Variants in PPM1F observed in about 807,000 individuals in gnomAD.
PPM1F encodes protein phosphatase 1F.
Under a neutral mutation model 35.5 loss-of-function variants are expected in PPM1F, and 17 were observed. That is an observed-to-expected ratio of 0.48 (90% CI 0.33 to 0.72). The LOEUF is 0.72. PPM1F is among the 30% of genes least tolerant of loss of function. The pLI, the probability that PPM1F is intolerant of heterozygous loss-of-function variation, is 0.02. For missense variants in PPM1F, 521 were observed against 613.0 expected, an observed-to-expected ratio of 0.85 and a Z score of 1.59; for synonymous variants, 241 against 255.5, an observed-to-expected ratio of 0.94 and a Z score of 0.54.
intron 2 of PPM1F, 183 bp downstream of exon 2, chr22:21,945,660 G>A: frequency 1.7e-6 from 1 of 589,596 alleles, no homozygotes; most frequent in Non-Finnish European, 2.9e-6. Flanking sequence ...TGGCTGTGTT[G>A]AGTGCCCAGT....
chr22:21,930,654 G>A (rs1459115465), intron 6 of PPM1F, among the ~76,000 whole-genome samples: 1 of 152,212 alleles, frequency 6.6e-6, no homozygotes, highest in Non-Finnish European at 1.5e-5. Flanking sequence ...TCCAACCTCA[G>A]GAGACACATG....
In PPM1F at chr22:21,939,843, C is replaced by T. The variant is rs576697661; in HGVS notation, c.207-163G>A. 7.2e-5 allele frequency among the ~76,000 whole-genome samples: 11 copies of T among 152,330 alleles called. No individual in the cohort carries two copies. Among genetic ancestry groups the T allele is most frequent in the South Asian group, 2.1e-4 (1 of 4,824 alleles). ...AAGGTCACAGGACAGCAAAGGCAGA[C>T]GCACAACCATCTGGTGGGGAGCTGG... On this transcript the variant is annotated intron_variant, in intron 2 of 7. Coordinates refer to ENST00000263212, the MANE Select transcript of PPM1F (RefSeq NM_014634.4). This position sits in a 1 kb window ranked among gnomAD's most constrained non-coding sequence, Gnocchi z 5.1.
intron 7 of PPM1F, among the ~76,000 whole-genome samples, chr22:21,924,236 A>G (rs2070483123): frequency 6.6e-6 from 1 of 150,738 alleles, no homozygotes; most frequent in Non-Finnish European, 1.5e-5. Context: ...CACTGACCGC[A>G]TGCTGAGACA....
Position 21,939,997 on chromosome 22 carries a change from TG to T in PPM1F, c.207-318del, listed in dbSNP as rs1218879054. On this transcript the variant is annotated intron_variant, in intron 2 of 7. Coordinates refer to ENST00000263212, the MANE Select transcript of PPM1F (RefSeq NM_014634.4). This position sits in a 1 kb window ranked among gnomAD's most constrained non-coding sequence, Gnocchi z 5.1. ...AATCACCCATGCCAGCTGGGGACCC[TG>T]GGGGGTGGGGAGTGTTCTGGGTTGA... 6.6e-6 allele frequency among the ~76,000 whole-genome samples: 1 copy of T among 152,136 alleles called. No individual in the cohort carries two copies. The highest frequency in any genetic ancestry group is 6.5e-5 in the Admixed American group (1 of 15,272).
Position 21,919,608 on chromosome 22 carries a change from C to A in PPM1F, c.*3484G>T, listed in dbSNP as rs1408741399. The A allele has an allele frequency of 6.6e-6, 1 of 152,592 alleles. No homozygotes were observed. Among genetic ancestry groups the A allele is most frequent in the East Asian group, 1.9e-4 (1 of 5,202 alleles). 9.5% of individuals were successfully genotyped at this position (152,592 alleles called of 1,614,324 possible). On this transcript the variant is annotated 3_prime_UTR_variant, in exon 8 of 8. Transcript: ENST00000263212. ...GCCCACCGAGACGAACGCAGATAAACCCTTCGCAAGGCCTGCACTGCACCG... is the reference window on the plus strand; with the variant it reads ...GCCCACCGAGACGAACGCAGATAAAACCTTCGCAAGGCCTGCACTGCACCG...
chr22:21,939,740 C>A lies in PPM1F; in HGVS notation c.207-60G>T, dbSNP rs540383530. ...CCAGCAGGAGACCACACCTAGCCCC[C>A]CTTCCCCAACTGTCAGCCCACATGC... On this transcript the variant is annotated intron_variant, in intron 2 of 7. Transcript: ENST00000263212. The surrounding 1 kb of genome is among the most constrained non-coding windows in gnomAD (Gnocchi z 5.1). 10 of 1,538,776 alleles carry A rather than the reference C, an allele frequency of 6.5e-6. No individual in the cohort carries two copies. The highest frequency in any genetic ancestry group is 1.7e-4 in the Middle Eastern group (1 of 5,764).
chr22:21,946,395 G>C, intron 1 of PPM1F: 1 of 203,722 alleles, frequency 4.9e-6, no homozygotes, highest in Non-Finnish European at 9.9e-6. Flanking sequence ...AGCGTGGCCA[G>C]AGACGAGCAG....
intron 6 of PPM1F, among the ~76,000 whole-genome samples, chr22:21,927,937 GTTTTGTTTTTTTTT>G (rs2070536896): frequency 2.9e-5 from 2 of 68,106 alleles, no homozygotes; most frequent in Admixed American, 1.6e-4. Context: ...TCTGTTTTTT[GTTTTGTTTTTTTTT>G]TTTTTTTTTT....
intron 1 of PPM1F, chr22:21,949,805 G>A (rs2070816665): frequency 6.6e-6 from 1 of 152,332 alleles, no homozygotes; most frequent in Admixed American, 6.5e-5. Flanking sequence ...GGTTCCTCCT[G>A]GATCAGGGCC....
At chr22:21,936,226 T>G (rs995982664) in intron 3 of PPM1F, 6 of 151,932 alleles carry the variant, frequency 3.9e-5, no homozygotes, top group African/African-American at 1.5e-4. Context: ...GTAAAATGCT[T>G]CTGTCATGAT....
Position 21,923,006 on chromosome 22 carries a change from TG to T in PPM1F, c.*85del. 6.7e-7 allele frequency: 1 copy of T among 1,501,776 alleles called. No homozygotes were observed. Among genetic ancestry groups the T allele is most frequent in the Non-Finnish European group, 8.9e-7 (1 of 1,121,286 alleles). The allele number at this position is 1,501,776 out of a possible 1,614,324, so 93.0% of individuals were successfully genotyped here. Reference sequence around the variant, plus strand: ...ACTGTGGGGCGGGCACCCTGTCCACTGCCTGCCACCTGTTGGGTCCTGAGGC... The same window carrying T: ...ACTGTGGGGCGGGCACCCTGTCCACTCCTGCCACCTGTTGGGTCCTGAGGC... On this transcript the variant is annotated 3_prime_UTR_variant, in exon 8 of 8. Transcript: ENST00000263212.
rs1408836812 is a variant in PPM1F, at chr22:21,921,955, C to A, written c.*1137G>T. 1 of 152,244 alleles carries A rather than the reference C, an allele frequency of 6.6e-6. No homozygotes were observed. Among genetic ancestry groups the A allele is most frequent in the African/African-American group, 2.4e-5 (1 of 41,450 alleles). The allele number at this position is 152,244 out of a possible 1,614,324, so 9.4% of individuals were successfully genotyped here. A position where few individuals can be genotyped will look rare whatever the true frequency, so the allele number is the denominator to read the frequency against. Reference sequence around the variant, plus strand: ...GCACCACTACGTGGCAGTCGCAGCTCCTGCCAGTCACCTGGGCAGCGGGGG... The same window carrying A: ...GCACCACTACGTGGCAGTCGCAGCTACTGCCAGTCACCTGGGCAGCGGGGG... On this transcript the variant is annotated 3_prime_UTR_variant, in exon 8 of 8. Transcript: ENST00000263212.
At chr22:21,932,780 AGGAGGAAGG>A (rs2070608077) in intron 5 of PPM1F, 1 of 152,264 alleles carries the variant, frequency 6.6e-6, no homozygotes, top group African/African-American at 2.4e-5. Context: ...CCCTGCCTAG[AGGAGGAAGG>A]GGAGGAAGGC....
rs752544587 is a variant in PPM1F, at chr22:21,923,299, C to T, written c.1158G>A (p.Gly386=). Residue 386 remains glycine (G), a synonymous_variant, in exon 8 of 8, where the codon GGG becomes GGA. Transcript: ENST00000263212. ...QSHLTRQQGS[G]LRVAEELVAA... is the part of the protein sequence containing the mutation. The stretch of plus-strand genomic sequence containing the variant: ...CCACCAGCTCCTCGGCGACACGGAG[C>T]CCGCTGCCCTGCTGCCTGGTCAGGT... The T allele has an allele frequency of 5.0e-6, 8 of 1,613,438 alleles. 1 individual carries two copies. In the South Asian group the frequency reaches 7.7e-5, roughly 16 times the overall value.
chr22:21,951,919 G>C (rs921930965), intron 1 of PPM1F: 1 of 152,232 alleles, frequency 6.6e-6, no homozygotes, highest in East Asian at 1.9e-4. Flanking sequence ...AGCGAAATTT[G>C]ACAACAGAAG....
At chr22:21,943,091 G>C (rs1173784210) in intron 2 of PPM1F, 2 of 152,288 alleles carry the variant, frequency 1.3e-5, no homozygotes, top group African/African-American at 2.4e-5. Context: ...CTGTGGACTG[G>C]ATGTTCTGAC....
Position 21,939,597 on chromosome 22 carries a change from T to C in PPM1F, c.290A>G (p.Lys97Arg), listed in dbSNP as rs768022793. 6.4e-7 allele frequency: 1 copy of C among 1,566,894 alleles called. No homozygotes were observed. Among genetic ancestry groups the C allele is most frequent in the Non-Finnish European group, 8.7e-7 (1 of 1,154,378 alleles). ...CTCTTCTTCTTCCTCCCTGGGCAAC[T>C]TCCTGAATTCGGAAAGGTCTGTCTG... ...LLQTDLSEFRKLPREEEEEEE... is the reference protein window; with the variant it reads ...LLQTDLSEFRRLPREEEEEEE... Residue 97 changes from lysine to arginine, a missense_variant, in exon 3 of 8, where the codon AAG becomes AGG. Transcript: ENST00000263212. This position sits in a 1 kb window ranked among gnomAD's most constrained non-coding sequence, Gnocchi z 5.1.
intron 3 of PPM1F, chr22:21,938,132 C>T (rs1036898773): frequency 3.8e-6 from 5 of 1,301,872 alleles, no homozygotes; most frequent in Non-Finnish European, 5.1e-6. Flanking sequence ...TGCGCCCTCC[C>T]TCCTTCCCAG....
At chr22:21,943,097 C>G (rs539400929) in intron 2 of PPM1F, 1 of 152,370 alleles carries the variant, frequency 6.6e-6, no homozygotes, top group East Asian at 1.9e-4. Flanking sequence ...ACTGGATGTT[C>G]TGACTCCTGG....
Sources: gnomAD v4.1 joint callset for allele counts (sites outside exome capture counted in the v4.1 genomes callset) on GRCh38, gnomAD v4.1.1 for gene constraint, Gnocchi (gnomAD v3.1) non-coding constraint, MANE v1.5 for transcripts, NCBI Gene and HGNC (gene_info 2026-07-23, HGNC 2026-07-21) for gene names.